Variants in SLC39A11 observed in about 807,000 individuals in gnomAD.
SLC39A11 encodes solute carrier family 39 member 11.
A neutral mutation model predicts 36.1 loss-of-function variants in SLC39A11; 33 were observed. That is an observed-to-expected ratio of 0.91 (90% CI 0.69 to 1.22). The LOEUF (loss-of-function observed/expected upper bound fraction) is 1.22, where lower values mean the gene tolerates loss of function less well. Among genes scored for constraint, SLC39A11 ranks in the 50% most tolerant of loss-of-function variants. SLC39A11 has a pLI of 0.00. For synonymous variants in SLC39A11, 166 were observed against 170.3 expected (o/e 0.97, Z 0.20); for missense variants, 432 against 430.3 (o/e 1.00, Z -0.03).
chr17:72,955,717 A>G (rs1448789686), intron 4 of SLC39A11, among the ~76,000 whole-genome samples: 1 of 152,064 alleles, frequency 6.6e-6, no homozygotes, highest in Non-Finnish European at 1.5e-5. Context: ...CAATAATTCA[A>G]TTAATTTATC....
rs1555646774 is a variant in SLC39A11, at chr17:72,716,980, A to AAAAAAT, written c.671+19669_671+19670insATTTTT. ...GGAGACCCTGTCTCAAAAAAAAAAA[A>AAAAAAT]ATATATATATATACACACACACACA... On this transcript the variant is annotated intron_variant, in intron 7 of 9. Transcript: ENST00000255559. Among the ~76,000 whole-genome samples, 3 of 130,476 alleles carry AAAAAAT rather than the reference A, an allele frequency of 2.3e-5. No individual in the cohort carries two copies. In the South Asian group the frequency reaches 7.0e-4, roughly 31 times the overall value. The allele number at this position is 130,476 out of a possible 152,430, so 85.6% of individuals were successfully genotyped here.
At chr17:72,753,344 T>C (rs2075228355) in intron 6 of SLC39A11, among the ~76,000 whole-genome samples, 1 of 152,242 alleles carries the variant, frequency 6.6e-6, no homozygotes, top group Non-Finnish European at 1.5e-5. Context: ...AATTGTCTTC[T>C]ACTTAACCTT....
At chr17:72,867,645 A>G (rs150998084) in intron 5 of SLC39A11, among the ~76,000 whole-genome samples, 39 of 152,266 alleles carry the variant, frequency 2.6e-4, no homozygotes, top group African/African-American at 7.9e-4. Flanking sequence ...GAAAAAGAAA[A>G]TGCATGGTAA....
At chr17:72,741,762 G>C (rs74879917) in intron 6 of SLC39A11, among the ~76,000 whole-genome samples, 1 of 152,154 alleles carries the variant, frequency 6.6e-6, no homozygotes, top group African/African-American at 2.4e-5. Flanking sequence ...TTCTGAGTCC[G>C]AGGCCCAGGG....
At chr17:72,902,830 A>G (rs1472592188) in intron 5 of SLC39A11, among the ~76,000 whole-genome samples, 2 of 152,180 alleles carry the variant, frequency 1.3e-5, no homozygotes, top group African/African-American at 4.8e-5. Flanking sequence ...ACTCAGTCCC[A>G]AGGCCTTTTT....
chr17:72,853,264 G>C (rs1401030480), intron 5 of SLC39A11, among the ~76,000 whole-genome samples: 1 of 150,768 alleles, frequency 6.6e-6, no homozygotes, highest in East Asian at 1.9e-4. Context: ...CTGGACTCAA[G>C]CGATCCACCT....
At chr17:72,664,558 A>G (rs551868850) in intron 7 of SLC39A11, among the ~76,000 whole-genome samples, 2 of 152,284 alleles carry the variant, frequency 1.3e-5, no homozygotes, top group South Asian at 4.1e-4. Context: ...CTAAGGTGCA[A>G]GCCTCCATCA....
chr17:72,872,470 A>G, intron 5 of SLC39A11, among the ~76,000 whole-genome samples: 1 of 152,158 alleles, frequency 6.6e-6, no homozygotes, highest in African/African-American at 2.4e-5. Flanking sequence ...AGGATGTAAC[A>G]ACGTGGGGGC....
At chr17:72,687,749 C>T (rs148022654) in intron 7 of SLC39A11, among the ~76,000 whole-genome samples, 57 of 152,320 alleles carry the variant, frequency 3.7e-4, no homozygotes, top group African/African-American at 1.3e-3. Context: ...AAAATCCTGG[C>T]AGCAGCCGCC....
chr17:72,860,969 G>A (rs2079947387), intron 5 of SLC39A11, among the ~76,000 whole-genome samples: 1 of 152,144 alleles, frequency 6.6e-6, no homozygotes, highest in South Asian at 2.1e-4. Context: ...ATGAGAGTAG[G>A]TATAGGACCC....
intron 4 of SLC39A11, chr17:72,992,775 G>A (rs1447653669): frequency 1.3e-5 from 2 of 152,184 alleles, no homozygotes; most frequent in Non-Finnish European, 2.9e-5. Flanking sequence ...CAGATCAGTG[G>A]TTACCTGGGT....
At chr17:72,727,799 G>A (rs986923304) in intron 7 of SLC39A11, among the ~76,000 whole-genome samples, 8 of 152,180 alleles carry the variant, frequency 5.3e-5, no homozygotes, top group Admixed American at 5.2e-4. Flanking sequence ...CAGGTAGGGA[G>A]GTGGACAGAT....
intron 6 of SLC39A11, among the ~76,000 whole-genome samples, chr17:72,846,695 T>C (rs1567813629): frequency 6.6e-6 from 1 of 152,194 alleles, no homozygotes; most frequent in Non-Finnish European, 1.5e-5. Flanking sequence ...ACTCATTCCA[T>C]TGCTATAAAG....
chr17:72,836,079 C>T (rs1056952863), intron 6 of SLC39A11, among the ~76,000 whole-genome samples: 13 of 152,112 alleles, frequency 8.5e-5, no homozygotes, highest in Non-Finnish European at 1.8e-4. Flanking sequence ...GGCTTCCTGC[C>T]CAGGTTTCCC....
intron 6 of SLC39A11, among the ~76,000 whole-genome samples, chr17:72,769,197 C>A (rs185178658): frequency 6.6e-6 from 1 of 152,310 alleles, no homozygotes; most frequent in East Asian, 1.9e-4. Context: ...TGCCTTAATC[C>A]TACCTGGGGT....
chr17:73,009,213 C>T (rs528410064), intron 4 of SLC39A11, among the ~76,000 whole-genome samples: 15 of 151,450 alleles, frequency 9.9e-5, no homozygotes, highest in South Asian at 2.1e-4. Flanking sequence ...AATATGAAAA[C>T]GAAAAATTAG....
intron 5 of SLC39A11, among the ~76,000 whole-genome samples, chr17:72,851,499 T>C (rs1412591938): frequency 2.0e-5 from 3 of 152,222 alleles, no homozygotes; most frequent in African/African-American, 7.2e-5. Context: ...AACTCAGGTG[T>C]CTGTTAAATT....
intron 6 of SLC39A11, among the ~76,000 whole-genome samples, chr17:72,802,700 G>C (rs1598799168): frequency 6.6e-6 from 1 of 152,172 alleles, no homozygotes; most frequent in Non-Finnish European, 1.5e-5. Context: ...ATGGGGCGTG[G>C]TGGGGAATAG....
intron 3 of SLC39A11, among the ~76,000 whole-genome samples, chr17:73,055,478 C>T (rs2059635521): frequency 6.6e-6 from 1 of 151,404 alleles, no homozygotes; most frequent in South Asian, 2.1e-4. Flanking sequence ...GTTGCCCAGG[C>T]TGGAGTGCAG....
Sources: allele counts gnomAD v4.1 joint callset (sites outside exome capture counted in the v4.1 genomes callset), GRCh38; gene constraint gnomAD v4.1.1; transcripts MANE v1.5; gene names NCBI Gene and HGNC (gene_info 2026-07-23, HGNC 2026-07-21).